The following NEO1 variants were observed in gnomAD, a reference collection of about 807,000 sequenced individuals.
The protein encoded by NEO1 is neogenin 1, also known as neogenin.
A neutral mutation model predicts 159.7 loss-of-function variants in NEO1; 63 were observed. The observed-to-expected ratio is 0.39, with a 90% CI of 0.32 to 0.49. The LOEUF (loss-of-function observed/expected upper bound fraction) is 0.49. NEO1 is among the 20% of genes least tolerant of loss of function. The pLI is 0.85. For missense variants in NEO1, 1,615 were observed against 1,831.0 expected, an observed-to-expected ratio of 0.88 and a Z score of 2.15; for synonymous variants, 633 against 662.0, an observed-to-expected ratio of 0.96 and a Z score of 0.67.
Position 73,237,116 on chromosome 15 carries a change from T to C in NEO1, c.1451+610T>C, listed in dbSNP as rs2039221185. Among the ~76,000 whole-genome samples, 3 of 150,164 alleles carry C rather than the reference T, an allele frequency of 2.0e-5. No individual in the cohort carries two copies. In the South Asian group the frequency reaches 6.4e-4, roughly 32 times the overall value. On this transcript the variant is annotated intron_variant, in intron 8 of 28. Transcript: ENST00000261908. Reference sequence around the variant, plus strand: ...TCTAGTGAAACCAGTCTAATCACTATAGCCTTTTTTTCCAGTGTGTCCTCT... The same window carrying C: ...TCTAGTGAAACCAGTCTAATCACTACAGCCTTTTTTTCCAGTGTGTCCTCT...
chr15:73,195,399 T>G (rs2036481654), intron 7 of NEO1, among the ~76,000 whole-genome samples: 1 of 152,196 alleles, frequency 6.6e-6, no homozygotes, highest in South Asian at 2.1e-4. Context: ...TCATATAGTT[T>G]CCATGCTGCG....
At chr15:73,073,846 T>C (rs1471913499) in intron 1 of NEO1, among the ~76,000 whole-genome samples, 2 of 152,170 alleles carry the variant, frequency 1.3e-5, no homozygotes, top group East Asian at 1.9e-4. Flanking sequence ...TATATGGGAA[T>C]AGTATTGTTT....
At chr15:73,193,680 A>G (rs1172986927) in intron 7 of NEO1, among the ~76,000 whole-genome samples, 1 of 150,428 alleles carries the variant, frequency 6.6e-6, no homozygotes, top group Non-Finnish European at 1.5e-5. Context: ...GGTTGTGGAC[A>G]ACATATTCCA....
intron 1 of NEO1, among the ~76,000 whole-genome samples, chr15:73,093,472 A>G (rs1405250163): frequency 6.6e-6 from 1 of 151,944 alleles, no homozygotes. Flanking sequence ...TCAACTGTAT[A>G]TTATGAACTC....
chr15:73,289,031 G>A, intron 24 of NEO1, 115 bp from the exon 25 acceptor site: 1 of 727,660 alleles, frequency 1.4e-6, no homozygotes, highest in East Asian at 2.7e-5. Context: ...GAAATGTCTT[G>A]TCCCCATTAT....
intron 20 of NEO1, 67 bp from the exon 21 acceptor site, chr15:73,274,624 GC>G: frequency 6.6e-7 from 1 of 1,515,098 alleles, no homozygotes; most frequent in South Asian, 1.2e-5. Flanking sequence ...AAAAAGTTCT[GC>G]CTGTCCCATC....
chr15:73,188,796 A>T (rs2036076396), intron 7 of NEO1, among the ~76,000 whole-genome samples: 2 of 152,212 alleles, frequency 1.3e-5, no homozygotes, highest in African/African-American at 4.8e-5. Flanking sequence ...AGTAATGTTC[A>T]TTTAAAAATA....
intron 1 of NEO1, among the ~76,000 whole-genome samples, chr15:73,088,131 A>G (rs1469339164): frequency 6.6e-6 from 1 of 152,070 alleles, no homozygotes; most frequent in African/African-American, 2.4e-5. Context: ...AAAGACATAT[A>G]AAATATATAG....
chr15:73,178,157 ATTGAG>A, intron 6 of NEO1, 145 bp from the exon 7 acceptor site: 2 of 703,284 alleles, frequency 2.8e-6, no homozygotes, highest in Non-Finnish European at 4.6e-6. Context: ...TTAGTATGAA[ATTGAG>A]TTAACAAGTA....
rs138622258 is a variant in NEO1 at position 73,075,148 on chromosome 15, A to G, written c.130+22343A>G. Among the ~76,000 whole-genome samples the G allele has an allele frequency of 3.4e-3, 523 of 152,314 alleles. 3 individuals carry two copies. The highest frequency in any genetic ancestry group is 0.012 in the African/African-American group (497 of 41,570). ...TGACCAGTTATGCTTTAGACCATAC[A>G]AAGAAGTAAGTGAATATGATATACA... On this transcript the variant is annotated intron_variant, in intron 1 of 28. Transcript: ENST00000261908.
Position 73,253,405 on chromosome 15 carries a change from A to G in NEO1, c.1900A>G (p.Ser634Gly). 1 of 1,565,116 alleles carries G rather than the reference A, an allele frequency of 6.4e-7. No homozygotes were observed. The highest frequency in any genetic ancestry group is 8.7e-7 in the Non-Finnish European group (1 of 1,152,910). Reference sequence around the variant, plus strand: ...TTTTTTTTTTGTTTCTCTAGTTCCCAGTGCTGCTCCTCAGAATCTGTCCTT... The same window carrying G: ...TTTTTTTTTTGTTTCTCTAGTTCCCGGTGCTGCTCCTCAGAATCTGTCCTT... ...VAVRTLSDVP[S>G]AAPQNLSLEV... The change falls in exon 12 of 29, where the codon AGT becomes GGT. Residue 634 changes from serine to glycine, a missense_variant. Coordinates refer to ENST00000261908, the MANE Select transcript of NEO1 (RefSeq NM_002499.4).
At chr15:73,168,291 C>G (rs2034709848) in intron 5 of NEO1, among the ~76,000 whole-genome samples, 2 of 148,474 alleles carry the variant, frequency 1.3e-5, no homozygotes, top group South Asian at 4.2e-4. Flanking sequence ...CCAGTTGATT[C>G]TCCTGCCTCA....
At chr15:73,080,744 CAG>C (rs1019661455) in intron 1 of NEO1, among the ~76,000 whole-genome samples, 3 of 151,946 alleles carry the variant, frequency 2.0e-5, no homozygotes, top group African/African-American at 7.3e-5. Context: ...TTCTGAGTGT[CAG>C]GGGTCATCTC....
At chr15:73,110,443 C>T (rs1056706385) in intron 1 of NEO1, among the ~76,000 whole-genome samples, 3 of 152,094 alleles carry the variant, frequency 2.0e-5, no homozygotes, top group Non-Finnish European at 1.5e-5. Flanking sequence ...ATTCAGATAC[C>T]ATATGTTAAT....
intron 1 of NEO1, among the ~76,000 whole-genome samples, chr15:73,110,546 G>C (rs1197117121): frequency 6.6e-6 from 1 of 152,112 alleles, no homozygotes; most frequent in East Asian, 1.9e-4. Context: ...ATGTTGTTGG[G>C]AGTTACAACA....
chr15:73,132,997 G>C (rs2031319550), intron 4 of NEO1, among the ~76,000 whole-genome samples: 1 of 152,130 alleles, frequency 6.6e-6, no homozygotes, highest in South Asian at 2.1e-4. Context: ...ACTAAAAGTA[G>C]ATCTATCATT....
At chr15:73,240,870 T>C (rs989622231) in intron 8 of NEO1, among the ~76,000 whole-genome samples, 3 of 152,228 alleles carry the variant, frequency 2.0e-5, no homozygotes, top group African/African-American at 7.2e-5. Flanking sequence ...TTAATTTTTT[T>C]AAGTCGTAAG....
chr15:73,123,827 AAG>A (rs1396274645), intron 3 of NEO1, among the ~76,000 whole-genome samples: 4 of 152,130 alleles, frequency 2.6e-5, no homozygotes, highest in African/African-American at 9.7e-5. Context: ...ATTATTTGGG[AAG>A]AGTTATATGT....
intron 5 of NEO1, among the ~76,000 whole-genome samples, chr15:73,169,135 T>C (rs1314751981): frequency 2.0e-5 from 3 of 152,164 alleles, no homozygotes; most frequent in African/African-American, 7.2e-5. Flanking sequence ...TATATTGTTA[T>C]TTATTTGAAT....
Sources: allele counts gnomAD v4.1 joint callset (sites outside exome capture counted in the v4.1 genomes callset), GRCh38; gene constraint gnomAD v4.1.1; transcripts MANE v1.5; gene names NCBI Gene and HGNC (gene_info 2026-07-23, HGNC 2026-07-21).